CDK14: variants seen among roughly 807,000 people sequenced by gnomAD.
CDK14 encodes cyclin dependent kinase 14, also known as cyclin-dependent kinase 14.
A neutral mutation model predicts 60.7 loss-of-function variants in CDK14; 34 were observed. That is an observed-to-expected ratio of 0.56 (90% confidence interval 0.43 to 0.75). The LOEUF is 0.75. Ranked by LOEUF, CDK14 falls within the 30% of genes least tolerant of loss-of-function variation. The probability of loss-of-function intolerance (pLI) is 0.00; values close to 1 mark genes in which losing one functional copy is unlikely to be tolerated. For synonymous variants in CDK14, 197 were observed against 203.7 expected, an observed-to-expected ratio of 0.97 and a Z score of 0.28; for missense variants, 482 against 564.1, an observed-to-expected ratio of 0.85 and a Z score of 1.47.
At chr7:91,095,878 C>G (rs1436636296) in intron 12 of CDK14, among the ~76,000 whole-genome samples, 1 of 151,710 alleles carries the variant, frequency 6.6e-6, no homozygotes, top group Non-Finnish European at 1.5e-5. Flanking sequence ...TTAATATTGT[C>G]ACATTATTTT....
intron 7 of CDK14, among the ~76,000 whole-genome samples, chr7:90,902,961 C>T (rs1350884247): frequency 6.6e-6 from 1 of 152,006 alleles, no homozygotes; most frequent in Non-Finnish European, 1.5e-5. Context: ...AGAAGACATA[C>T]AAATGGTGCA....
At chr7:90,976,504 G>A (rs1374906736) in intron 9 of CDK14, among the ~76,000 whole-genome samples, 1 of 151,768 alleles carries the variant, frequency 6.6e-6, no homozygotes, top group Non-Finnish European at 1.5e-5. Context: ...TACTACAGGT[G>A]CAGTCCCACC....
chr7:90,655,401 C>T (rs1800730728), intron 2 of CDK14, among the ~76,000 whole-genome samples: 5 of 151,050 alleles, frequency 3.3e-5, no homozygotes, highest in South Asian at 4.2e-4. Context: ...GATGGTCTAT[C>T]GGTTTAAAAA....
intron 11 of CDK14, among the ~76,000 whole-genome samples, chr7:91,052,020 A>C (rs528945755): frequency 2.0e-4 from 31 of 152,324 alleles, no homozygotes; most frequent in Non-Finnish European, 3.7e-4. Flanking sequence ...ACACGTAGAC[A>C]TTTGAGGTTC....
rs1404628395 is a variant in CDK14 at position 91,001,095 on chromosome 7, TC to T, written c.1041+16855del. 5.3e-5 allele frequency among the ~76,000 whole-genome samples: 8 copies of T among 152,354 alleles called. No individual in the cohort carries two copies. The East Asian group carries it at 1.5e-3, about 29-fold the overall frequency. ...TTAAAATTAATCTTTACCTTTGTGC[TC>T]TGAAGCAGCTTTTGGTTAGAGATGC... On this transcript the variant is annotated intron_variant, in intron 10 of 14. Coordinates refer to ENST00000380050, the MANE Select transcript of CDK14 (RefSeq NM_001287135.2).
In CDK14 at chr7:90,838,852, G is replaced by A. The variant is rs146912265; in HGVS notation, c.545-24323G>A. On this transcript the variant is annotated intron_variant, in intron 5 of 14. Transcript: ENST00000380050. ...GACCCTCATCAGTAATTCTAATTTC[G>A]CCCTTGCCTTGTGGTCTTGCTCTGC... Among the ~76,000 whole-genome samples, 1,174 of 152,180 alleles carry A rather than the reference G, an allele frequency of 7.7e-3. 23 individuals are homozygous for A. Among genetic ancestry groups the A allele is most frequent in the African/African-American group, 0.027 (1,131 of 41,532 alleles).
At chr7:90,881,079 G>A (rs1562810926) in intron 6 of CDK14, among the ~76,000 whole-genome samples, 1 of 152,180 alleles carries the variant, frequency 6.6e-6, no homozygotes, top group African/African-American at 2.4e-5. Context: ...CAAAGAACTG[G>A]GTGGGGGAGC....
intron 2 of CDK14, among the ~76,000 whole-genome samples, chr7:90,612,187 C>T (rs1414095788): frequency 1.3e-5 from 2 of 152,176 alleles, no homozygotes; most frequent in East Asian, 3.8e-4. Flanking sequence ...CTGCTGCCAT[C>T]TCAGTTCAGA....
chr7:91,050,295 C>A (rs999603356), intron 11 of CDK14, among the ~76,000 whole-genome samples: 8 of 152,030 alleles, frequency 5.3e-5, no homozygotes, highest in Non-Finnish European at 1.0e-4. Flanking sequence ...AGGGGGACCC[C>A]TTAGGAGGCT....
intron 10 of CDK14, among the ~76,000 whole-genome samples, chr7:90,997,285 G>T (rs1788203927): frequency 1.3e-5 from 2 of 152,186 alleles, no homozygotes; most frequent in Admixed American, 6.5e-5. Flanking sequence ...TATGTGCCCT[G>T]ACATGGCTTA....
At chr7:91,194,499 G>A (rs979691670) in intron 14 of CDK14, among the ~76,000 whole-genome samples, 2 of 151,852 alleles carry the variant, frequency 1.3e-5, no homozygotes, top group Non-Finnish European at 2.9e-5. Context: ...TAGGCTGTGG[G>A]GGTTTTTCCC....
intron 2 of CDK14, among the ~76,000 whole-genome samples, chr7:90,610,061 A>G (rs146541796): frequency 1.3e-5 from 2 of 152,080 alleles, no homozygotes; most frequent in African/African-American, 2.4e-5. Context: ...CTGCTGCTGT[A>G]TTCCCTGTAT....
chr7:91,077,232 AC>A (rs1444536878), intron 11 of CDK14, among the ~76,000 whole-genome samples: 3 of 152,354 alleles, frequency 2.0e-5, no homozygotes, highest in African/African-American at 7.2e-5. Context: ...AATAGCAAAG[AC>A]ATGGAACCAA....
At chr7:90,895,189 G>A (rs1225708845) in intron 6 of CDK14, among the ~76,000 whole-genome samples, 2 of 152,008 alleles carry the variant, frequency 1.3e-5, no homozygotes. Context: ...TACAAATTTT[G>A]TAACTTATGT....
At chr7:91,129,236 A>G (rs913682355) in intron 14 of CDK14, among the ~76,000 whole-genome samples, 24 of 152,290 alleles carry the variant, frequency 1.6e-4, no homozygotes, top group Non-Finnish European at 1.9e-4. Context: ...TGCAAAAGCA[A>G]TGGAGGGTAA....
chr7:91,110,198 C>T (rs893695555), intron 12 of CDK14, among the ~76,000 whole-genome samples: 2 of 151,980 alleles, frequency 1.3e-5, no homozygotes, highest in South Asian at 2.1e-4. Context: ...CATGTAGAGA[C>T]TTAAAATGAA....
chr7:91,034,821 C>T (rs1427536545), intron 10 of CDK14, among the ~76,000 whole-genome samples: 2 of 152,122 alleles, frequency 1.3e-5, no homozygotes, highest in African/African-American at 4.8e-5. Context: ...AATGAACATT[C>T]AGAATACTCT....
At chr7:90,736,248 A>G (rs1803099410) in intron 3 of CDK14, among the ~76,000 whole-genome samples, 1 of 96,000 alleles carries the variant, frequency 1.0e-5, no homozygotes, top group Non-Finnish European at 2.3e-5. Flanking sequence ...GGAGCTGCAG[A>G]TGGGAGCTGT....
chr7:91,035,548 A>G (rs1397554242), intron 10 of CDK14, among the ~76,000 whole-genome samples: 2 of 151,056 alleles, frequency 1.3e-5, no homozygotes, highest in Non-Finnish European at 3.0e-5. Context: ...AGTCAGCCCA[A>G]TGGGACATGG....
Sources: allele counts gnomAD v4.1 joint callset (sites outside exome capture counted in the v4.1 genomes callset), GRCh38; gene constraint gnomAD v4.1.1; transcripts MANE v1.5; gene names NCBI Gene and HGNC (gene_info 2026-07-23, HGNC 2026-07-21).